The following NRG3 variants were observed in gnomAD, a reference collection of about 807,000 sequenced individuals.
NRG3 encodes pro-neuregulin-3, membrane-bound isoform.
A neutral mutation model predicts 66.9 loss-of-function variants in NRG3; 31 were observed. That is an observed-to-expected ratio of 0.46 (90% confidence interval 0.35 to 0.63). NRG3 has a LOEUF of 0.63. NRG3 is among the 20% of genes least tolerant of loss of function. The probability of loss-of-function intolerance (pLI) is 0.00; values close to 1 mark genes in which losing one functional copy is unlikely to be tolerated. For synonymous variants in NRG3, 393 were observed against 359.4 expected, an observed-to-expected ratio of 1.09 and a Z score of -1.06; for missense variants, 910 against 878.9, an observed-to-expected ratio of 1.04 and a Z score of -0.45.
At chr10:82,791,968 G>T (rs941927876) in intron 3 of NRG3, among the ~76,000 whole-genome samples, 2 of 152,108 alleles carry the variant, frequency 1.3e-5, no homozygotes, top group Non-Finnish European at 2.9e-5. Flanking sequence ...TTTTATGGCT[G>T]CTAGATTGTT....
chr10:82,767,807 T>C (rs2059572142), intron 3 of NRG3, among the ~76,000 whole-genome samples: 1 of 152,134 alleles, frequency 6.6e-6, no homozygotes, highest in South Asian at 2.1e-4. Context: ...ATACTTTTTT[T>C]GAATGTCTCT....
intron 7 of NRG3, among the ~76,000 whole-genome samples, 162 bp downstream of exon 7, chr10:82,974,077 G>A (rs1291714550): frequency 6.6e-6 from 1 of 151,844 alleles, no homozygotes; most frequent in African/African-American, 2.4e-5. Context: ...ATCAGGTAAA[G>A]CAAAGATACC....
intron 3 of NRG3, among the ~76,000 whole-genome samples, chr10:82,856,256 G>A (rs1646954856): frequency 1.3e-5 from 2 of 152,134 alleles, no homozygotes; most frequent in African/African-American, 4.8e-5. Flanking sequence ...GTCAGACTCT[G>A]TGATAGGGTG....
At chr10:82,111,337 T>G (rs182788427) in intron 1 of NRG3, among the ~76,000 whole-genome samples, 1 of 152,334 alleles carries the variant, frequency 6.6e-6, no homozygotes, top group African/African-American at 2.4e-5. Context: ...TCATTGTATC[T>G]TTCAAAAATG....
At chr10:82,872,685 G>A (rs1841444052) in intron 4 of NRG3, among the ~76,000 whole-genome samples, 1 of 151,844 alleles carries the variant, frequency 6.6e-6, no homozygotes, top group African/African-American at 2.4e-5. Flanking sequence ...ACATAAGTGA[G>A]GTGACATAAT....
At chr10:81,951,832 C>A (rs1284932675) in intron 1 of NRG3, among the ~76,000 whole-genome samples, 1 of 152,166 alleles carries the variant, frequency 6.6e-6, no homozygotes, top group Non-Finnish European at 1.5e-5. Flanking sequence ...CATATGTTTA[C>A]TGCGGCACTA....
intron 1 of NRG3, among the ~76,000 whole-genome samples, chr10:82,272,766 G>A (rs553423508): frequency 7.2e-5 from 11 of 152,076 alleles, no homozygotes; most frequent in African/African-American, 2.6e-4. Context: ...CTTTCCCAAA[G>A]CTATCTTGTG....
intron 1 of NRG3, among the ~76,000 whole-genome samples, chr10:81,949,961 C>A (rs1174193266): frequency 6.6e-6 from 1 of 152,180 alleles, no homozygotes; most frequent in Non-Finnish European, 1.5e-5. Context: ...CCAAGCGGGG[C>A]TGCACTGAAG....
At chr10:82,743,441 G>A (rs1423022077) in intron 3 of NRG3, among the ~76,000 whole-genome samples, 2 of 152,104 alleles carry the variant, frequency 1.3e-5, no homozygotes, top group Non-Finnish European at 2.9e-5. Flanking sequence ...CTGGGTTTGT[G>A]TGCCTCAGCT....
intron 4 of NRG3, among the ~76,000 whole-genome samples, chr10:82,873,797 C>T (rs571053931): frequency 4.6e-5 from 7 of 152,152 alleles, no homozygotes; most frequent in Non-Finnish European, 8.8e-5. Flanking sequence ...TCATTCTCAT[C>T]GGGTAAACGA....
At chr10:82,118,309 T>G (rs1404147732) in intron 1 of NRG3, among the ~76,000 whole-genome samples, 1 of 152,066 alleles carries the variant, frequency 6.6e-6, no homozygotes, top group Non-Finnish European at 1.5e-5. Context: ...TCTTTTTTCC[T>G]TTCTGATTCA....
chr10:82,624,410 TC>T (rs1565139192), intron 2 of NRG3, among the ~76,000 whole-genome samples: 2 of 152,062 alleles, frequency 1.3e-5, no homozygotes, highest in African/African-American at 2.4e-5. Flanking sequence ...CCTTCCTTTT[TC>T]CCCCACCTTA....
chr10:82,241,980 C>T (rs1386493531), intron 1 of NRG3, among the ~76,000 whole-genome samples: 1 of 152,018 alleles, frequency 6.6e-6, no homozygotes, highest in Non-Finnish European at 1.5e-5. Flanking sequence ...ACAGCACATA[C>T]CTGGTTGATA....
At chr10:82,808,933 G>A (rs1045743021) in intron 3 of NRG3, among the ~76,000 whole-genome samples, 3 of 152,192 alleles carry the variant, frequency 2.0e-5, no homozygotes, top group African/African-American at 7.2e-5. Flanking sequence ...TCTGTTCACA[G>A]TAGAGGTGCT....
At chr10:82,074,704 G>C (rs757503946) in intron 1 of NRG3, among the ~76,000 whole-genome samples, 2 of 152,272 alleles carry the variant, frequency 1.3e-5, no homozygotes, top group Non-Finnish European at 2.9e-5. Flanking sequence ...GGGCATAGTA[G>C]TGTGTGCCTG....
At chr10:82,898,647 A>G (rs1843893495) in intron 4 of NRG3, among the ~76,000 whole-genome samples, 1 of 149,934 alleles carries the variant, frequency 6.7e-6, no homozygotes, top group Admixed American at 6.6e-5. Context: ...CTGGGCCTCC[A>G]TTTGCATTCT....
At chr10:82,984,599 A>T (rs781590218) in intron 8 of NRG3, among the ~76,000 whole-genome samples, 1 of 152,134 alleles carries the variant, frequency 6.6e-6, no homozygotes, top group African/African-American at 2.4e-5. Flanking sequence ...TAGTACCTGG[A>T]TGCTTAATAT....
intron 1 of NRG3, among the ~76,000 whole-genome samples, chr10:82,231,455 A>C (rs1264642362): frequency 1.3e-5 from 2 of 152,104 alleles, no homozygotes; most frequent in South Asian, 4.1e-4. Context: ...ACAAACAGGC[A>C]CAAAAAGAAC....
At chr10:82,434,896 T>G (rs2090037263) in intron 2 of NRG3, among the ~76,000 whole-genome samples, 2 of 152,198 alleles carry the variant, frequency 1.3e-5, no homozygotes, top group Admixed American at 1.3e-4. Context: ...GATATTGGCC[T>G]GAAGTTTTCT....
Sources: allele counts gnomAD v4.1 joint callset (sites outside exome capture counted in the v4.1 genomes callset), GRCh38; gene constraint gnomAD v4.1.1; transcripts MANE v1.5; gene names NCBI Gene and HGNC (gene_info 2026-07-23, HGNC 2026-07-21).